The following KCNK13 variants were observed in gnomAD, a reference collection of about 807,000 sequenced individuals.
KCNK13 encodes the protein potassium channel subfamily K member 13.
KCNK13 carries 12 observed loss-of-function variants against 23.4 expected under a neutral mutation model. That is an observed-to-expected ratio of 0.51 (90% confidence interval 0.33 to 0.83). The LOEUF (loss-of-function observed/expected upper bound fraction) is 0.83. Among genes scored for constraint, KCNK13 ranks in the 40% least tolerant of loss-of-function variants. KCNK13 has a pLI of 0.02. For missense variants in KCNK13, 463 were observed against 556.3 expected (o/e 0.83, Z 1.69); for synonymous variants, 231 against 229.5 (o/e 1.01, Z -0.06).
chr14:90,103,100 G>T (rs1350832818), intron 1 of KCNK13, among the ~76,000 whole-genome samples: 1 of 152,110 alleles, frequency 6.6e-6, no homozygotes, highest in Non-Finnish European at 1.5e-5. Context: ...TTGCTGCAAA[G>T]GACATAATTT....
intron 1 of KCNK13, among the ~76,000 whole-genome samples, chr14:90,095,967 A>T (rs556634571): frequency 5.3e-5 from 8 of 152,266 alleles, no homozygotes; most frequent in African/African-American, 1.9e-4. Context: ...ACTCAGGGAA[A>T]CACTTAGGTT....
At chr14:90,076,537 A>G (rs1009469190) in intron 1 of KCNK13, among the ~76,000 whole-genome samples, 1 of 152,200 alleles carries the variant, frequency 6.6e-6, no homozygotes, top group Non-Finnish European at 1.5e-5. Context: ...TCTGTACGTG[A>G]GCTCAATGCT....
chr14:90,077,073 C>T (rs1442180529), intron 1 of KCNK13, among the ~76,000 whole-genome samples: 2 of 149,660 alleles, frequency 1.3e-5, no homozygotes, highest in African/African-American at 2.5e-5. Flanking sequence ...CCCGCCTCAG[C>T]CTCCCAAAGT....
At position 90,102,652 on chromosome 14, in the gene KCNK13, G is replaced by A. The variant is rs562729770; in HGVS notation, c.334+40113G>A. On this transcript the variant is annotated intron_variant, in intron 1 of 1. Coordinates refer to ENST00000282146, the MANE Select transcript of KCNK13 (RefSeq NM_022054.4). ...CATAGCCTTTGGGAAGTGCTTTTCC[G>A]CAGAGCTTCTCAGTCAGTATGGCTG... Among the ~76,000 whole-genome samples, 15 of 152,242 alleles carry A rather than the reference G, an allele frequency of 9.9e-5. No homozygotes were observed. The East Asian group carries it at 1.3e-3, about 14-fold the overall frequency.
At chr14:90,152,608 T>TGGAAC (rs1339342731) in intron 1 of KCNK13, among the ~76,000 whole-genome samples, 2 of 152,200 alleles carry the variant, frequency 1.3e-5, no homozygotes, top group African/African-American at 2.4e-5. Flanking sequence ...TCCAGCCATG[T>TGGAAC]GGAACTGTGA....
chr14:90,120,999 T>A (rs1233675626), intron 1 of KCNK13, among the ~76,000 whole-genome samples: 1 of 151,926 alleles, frequency 6.6e-6, no homozygotes, highest in Non-Finnish European at 1.5e-5. Flanking sequence ...GTTATTGCAG[T>A]TGTTGAGGGA....
At chr14:90,170,427 T>C (rs1890351724) in intron 1 of KCNK13, among the ~76,000 whole-genome samples, 2 of 152,196 alleles carry the variant, frequency 1.3e-5, no homozygotes, top group African/African-American at 4.8e-5. Context: ...TTGGCCAGGC[T>C]GGTCTCCAAC....
At chr14:90,069,260 C>T (rs1889046462) in intron 1 of KCNK13, among the ~76,000 whole-genome samples, 1 of 152,068 alleles carries the variant, frequency 6.6e-6, no homozygotes, top group Non-Finnish European at 1.5e-5. Flanking sequence ...TGGTCTCAAA[C>T]TCCTGACCTC....
intron 1 of KCNK13, among the ~76,000 whole-genome samples, chr14:90,165,680 T>G (rs1449722860): frequency 1.3e-5 from 2 of 152,212 alleles, no homozygotes; most frequent in Admixed American, 6.5e-5. Flanking sequence ...TTTCACAATT[T>G]TAGAAGTTAA....
At chr14:90,155,254 G>T (rs1261998524) in intron 1 of KCNK13, among the ~76,000 whole-genome samples, 1 of 152,162 alleles carries the variant, frequency 6.6e-6, no homozygotes, top group Non-Finnish European at 1.5e-5. Context: ...GAAGCAAGAG[G>T]TGCAGCGGGG....
intron 1 of KCNK13, among the ~76,000 whole-genome samples, chr14:90,090,355 G>T (rs556818479): frequency 6.6e-6 from 1 of 152,354 alleles, no homozygotes; most frequent in Non-Finnish European, 1.5e-5. Context: ...TTTCAGACTT[G>T]CATGGGGCCT....
In KCNK13 at chr14:90,128,537, C is replaced by T. The variant is rs149663655; in HGVS notation, c.335-55574C>T. On this transcript the variant is annotated intron_variant, in intron 1 of 1. Coordinates refer to ENST00000282146, the MANE Select transcript of KCNK13 (RefSeq NM_022054.4). ...GAATGCATATCCCAAACAAGCATAG[C>T]GGCAGAAATAAAGGGCCAGCCCTCA... Among the ~76,000 whole-genome samples, 101 of 152,090 alleles carry T rather than the reference C, an allele frequency of 6.6e-4. 1 individual carries two copies. The highest frequency in any genetic ancestry group is 2.2e-3 in the African/African-American group (90 of 41,478).
At chr14:90,094,022 G>T (rs1317549818) in intron 1 of KCNK13, among the ~76,000 whole-genome samples, 2 of 152,022 alleles carry the variant, frequency 1.3e-5, no homozygotes. Context: ...GATCTCTTCT[G>T]CTTGAGCTTT....
At chr14:90,075,584 T>C (rs1172447310) in intron 1 of KCNK13, among the ~76,000 whole-genome samples, 1 of 152,176 alleles carries the variant, frequency 6.6e-6, no homozygotes, top group Non-Finnish European at 1.5e-5. Flanking sequence ...TTTCCAGTGA[T>C]TCTCCTGCCT....
At chr14:90,097,714 C>A (rs1159638456) in intron 1 of KCNK13, among the ~76,000 whole-genome samples, 1 of 152,164 alleles carries the variant, frequency 6.6e-6, no homozygotes, top group Non-Finnish European at 1.5e-5. Flanking sequence ...GAATGCTCAC[C>A]AGCTGCCATT....
At chr14:90,143,145 A>AACTAACTTACTT (rs1555352117) in intron 1 of KCNK13, among the ~76,000 whole-genome samples, 5 of 42,534 alleles carry the variant, frequency 1.2e-4, no homozygotes, top group Admixed American at 5.9e-4. Context: ...GAAGAGCAGA[A>AACTAACTTACTT]ACTTTCTTTC....
chr14:90,165,437 G>T (rs1890292343), intron 1 of KCNK13, among the ~76,000 whole-genome samples: 1 of 152,152 alleles, frequency 6.6e-6, no homozygotes, highest in Admixed American at 6.5e-5. Context: ...GGCAGATTCA[G>T]GTATACTTGG....
chr14:90,110,053 C>G (rs1889596171), intron 1 of KCNK13, among the ~76,000 whole-genome samples: 1 of 152,150 alleles, frequency 6.6e-6, no homozygotes, highest in Non-Finnish European at 1.5e-5. Flanking sequence ...CCTACCCCCT[C>G]CACACTAAAT....
chr14:90,089,527 G>A lies in KCNK13; in HGVS notation c.334+26988G>A, dbSNP rs1596772754. 1.3e-5 allele frequency among the ~76,000 whole-genome samples: 2 copies of A among 152,324 alleles called. 1 individual carries two copies. Among genetic ancestry groups the A allele is most frequent in the South Asian group, 4.1e-4 (2 of 4,828 alleles). On this transcript the variant is annotated intron_variant, in intron 1 of 1. Transcript: ENST00000282146. Reference sequence around the variant, plus strand: ...ATAAAGTTTGGAAAATTTGCAGCCTGACAATATGATAGAAAAGAAAATCCC... The same window carrying A: ...ATAAAGTTTGGAAAATTTGCAGCCTAACAATATGATAGAAAAGAAAATCCC...
Sources: allele counts gnomAD v4.1 joint callset (sites outside exome capture counted in the v4.1 genomes callset), GRCh38; gene constraint gnomAD v4.1.1; transcripts MANE v1.5; gene names NCBI Gene and HGNC (gene_info 2026-07-23, HGNC 2026-07-21).